PRR11: variants seen among roughly 807,000 people sequenced by gnomAD.
PRR11 encodes the protein proline rich 11, also known as proline-rich protein 11.
In PRR11, 30 loss-of-function variants were observed where a neutral mutation model predicts 45.6. The observed-to-expected ratio is 0.66, with a 90% confidence interval of 0.49 to 0.89. PRR11 has a LOEUF of 0.89. Ranked by LOEUF, PRR11 falls within the 40% of genes least tolerant of loss-of-function variation. The pLI is 0.00. For missense variants in PRR11, 373 were observed against 424.8 expected, an observed-to-expected ratio of 0.88 and a Z score of 1.07; for synonymous variants, 128 against 153.5, an observed-to-expected ratio of 0.83 and a Z score of 1.23.
intron 2 of PRR11, among the ~76,000 whole-genome samples, chr17:59,170,978 G>A (rs1446313289): frequency 5.3e-5 from 8 of 152,206 alleles, no homozygotes; most frequent in South Asian, 2.1e-4. Context: ...AGTAACACAC[G>A]GCCAGGCGCG....
At chr17:59,195,235 C>A (rs527877536) in intron 6 of PRR11, 96 bp from the exon 7 acceptor site, 88 of 921,202 alleles carry the variant, frequency 9.6e-5, no homozygotes, top group Admixed American at 3.5e-4. Context: ...ATATCTTACA[C>A]AAACTCAGCA....
chr17:59,205,737 T>C lies in PRR11; in HGVS notation c.*4106T>C, dbSNP rs562285553. 2.0e-5 allele frequency among the ~76,000 whole-genome samples: 3 copies of C among 149,942 alleles called. No homozygotes were observed. In the East Asian group the frequency reaches 5.8e-4, roughly 29 times the overall value. Reference sequence around the variant, plus strand: ...AGTATATGTTAAGTATAGAAAAATATATAAATTAAAAAATTATAGGCTTGG... The same window carrying C: ...AGTATATGTTAAGTATAGAAAAATACATAAATTAAAAAATTATAGGCTTGG... On this transcript the variant is annotated 3_prime_UTR_variant, in exon 10 of 10. Coordinates refer to ENST00000262293, the MANE Select transcript of PRR11 (RefSeq NM_018304.4).
rs1011408917 is a variant in PRR11, at chr17:59,204,873, G to A, written c.*3242G>A. 2.0e-5 allele frequency among the ~76,000 whole-genome samples: 3 copies of A among 151,662 alleles called. No individual in the cohort carries two copies. Among genetic ancestry groups the A allele is most frequent in the Admixed American group, 6.6e-5 (1 of 15,212 alleles). ...GCAAGACCCCAACTCTACAAAAAAC[G>A]AAAAATTAGCCGGGAGCGGTGATGT... On this transcript the variant is annotated 3_prime_UTR_variant, in exon 10 of 10. Coordinates refer to ENST00000262293, the MANE Select transcript of PRR11 (RefSeq NM_018304.4).
chr17:59,193,343 A>C (rs2046848447), intron 4 of PRR11, 149 bp from the exon 5 acceptor site: 1 of 1,033,458 alleles, frequency 9.7e-7, no homozygotes, highest in Admixed American at 2.7e-5. Context: ...GAAATGAAGA[A>C]ACTTATGATT....
chr17:59,184,267 G>C (rs1184083588), intron 2 of PRR11, among the ~76,000 whole-genome samples: 1 of 152,122 alleles, frequency 6.6e-6, no homozygotes, highest in Non-Finnish European at 1.5e-5. Context: ...TGTGAGACCA[G>C]CCTGGCCAAC....
chr17:59,170,300 T>C (rs1449446786), intron 2 of PRR11, among the ~76,000 whole-genome samples: 1 of 152,110 alleles, frequency 6.6e-6, no homozygotes, highest in Non-Finnish European at 1.5e-5. Context: ...AGATAAACAA[T>C]GAATAATTTT....
chr17:59,194,960 G>A, intron 6 of PRR11, 105 bp downstream of exon 6: 2 of 857,722 alleles, frequency 2.3e-6, no homozygotes. Context: ...GATCACCTGA[G>A]CCCAGGAGTT....
rs905164066 is a variant in PRR11, at chr17:59,197,716, C to T, written c.941C>T (p.Thr314Ile). 2 of 1,613,892 alleles carry T rather than the reference C, an allele frequency of 1.2e-6. No homozygotes were observed. The highest frequency in any genetic ancestry group is 2.2e-5 in the East Asian group (1 of 44,898). ...VERSPGGTPL[T>I]NKENMETGTG... Reference sequence around the variant, plus strand: ...AGGAGCCCAGGTGGAACCCCTCTTACCAATAAGGAAAATATGGAAACAGGA... The same window carrying T: ...AGGAGCCCAGGTGGAACCCCTCTTATCAATAAGGAAAATATGGAAACAGGA... Residue 314 changes from threonine (T) to isoleucine (I), a missense_variant, in exon 9 of 10, where the codon ACC (threonine) becomes ATC (isoleucine). Thr to Ile is a moderately conservative substitution (Grantham distance 89). Transcript: ENST00000262293.
intron 1 of PRR11, among the ~76,000 whole-genome samples, chr17:59,163,393 T>C (rs1291515590): frequency 6.6e-6 from 1 of 152,246 alleles, no homozygotes. Context: ...CCAATGCTTA[T>C]ACTTTAAATA....
At chr17:59,181,424 T>G (rs1233638128) in intron 2 of PRR11, 1 of 929,018 alleles carries the variant, frequency 1.1e-6, no homozygotes, top group East Asian at 4.0e-5. Context: ...GGGGCATATT[T>G]TTCCCATTGG....
At chr17:59,187,790 G>A (rs1304661045) in intron 4 of PRR11, among the ~76,000 whole-genome samples, 3 of 151,276 alleles carry the variant, frequency 2.0e-5, no homozygotes, top group East Asian at 3.9e-4. Flanking sequence ...ACTTGAACCC[G>A]GGAGGCGGAG....
At chr17:59,164,239 A>C (rs2046668187) in intron 1 of PRR11, among the ~76,000 whole-genome samples, 3 of 152,120 alleles carry the variant, frequency 2.0e-5, no homozygotes, top group African/African-American at 7.2e-5. Flanking sequence ...TGAAATATTT[A>C]CTTTCTGGTT....
intron 2 of PRR11, among the ~76,000 whole-genome samples, chr17:59,173,961 C>G (rs1034852102): frequency 2.0e-5 from 3 of 152,198 alleles, no homozygotes; most frequent in African/African-American, 4.8e-5. Flanking sequence ...AGGCGGCTCT[C>G]TAGACAGGAA....
In PRR11 at chr17:59,204,732, G is replaced by A. The variant is rs6503904; in HGVS notation, c.*3101G>A. Reference sequence around the variant, plus strand: ...AAAAAAAAAAAAAGAAAGAAAGAAAGAAAAAATGCTTTATGGCCCAGTGCA... The same window carrying A: ...AAAAAAAAAAAAAGAAAGAAAGAAAAAAAAAATGCTTTATGGCCCAGTGCA... On this transcript the variant is annotated 3_prime_UTR_variant, in exon 10 of 10. Coordinates refer to ENST00000262293, the MANE Select transcript of PRR11 (RefSeq NM_018304.4). 0.44 allele frequency: 65,908 copies of A among 151,196 alleles called. 16,138 individuals carry two copies. Among genetic ancestry groups the A allele is most frequent in the African/African-American group, 0.68 (27,850 of 41,090 alleles). The allele number at this position is 151,196 out of a possible 1,614,324, so 9.4% of individuals were successfully genotyped here. A position where few individuals can be genotyped will look rare whatever the true frequency, so the allele number is the denominator to read the frequency against.
At chr17:59,174,128 A>G (rs1412315101) in intron 2 of PRR11, among the ~76,000 whole-genome samples, 1 of 152,200 alleles carries the variant, frequency 6.6e-6, no homozygotes, top group African/African-American at 2.4e-5. Flanking sequence ...CTCACTCAAT[A>G]TACCCAAGGT....
chr17:59,171,017 T>C (rs2046705262), intron 2 of PRR11, among the ~76,000 whole-genome samples: 1 of 151,878 alleles, frequency 6.6e-6, no homozygotes, highest in South Asian at 2.1e-4. Context: ...CCTAGCACTT[T>C]GGGAGGCCGA....
intron 1 of PRR11, among the ~76,000 whole-genome samples, chr17:59,164,857 C>T (rs1188644882): frequency 2.0e-5 from 3 of 149,370 alleles, no homozygotes; most frequent in African/African-American, 7.4e-5. Context: ...CCAGCCTGCA[C>T]GACAGAGCAA....
At position 59,206,579 on chromosome 17, in the gene PRR11, C is replaced by G. The variant is rs909729047; in HGVS notation, c.*4948C>G. Among the ~76,000 whole-genome samples the G allele has an allele frequency of 7.9e-5, 12 of 152,270 alleles. No individual in the cohort carries two copies. The highest frequency in any genetic ancestry group is 1.6e-4 in the Non-Finnish European group (11 of 68,032). ...CTGTAAGTGCTATGGCTTCCTTAAACTACGATTTATCATATGCTCCCAGTG... is the reference window on the plus strand; with the variant it reads ...CTGTAAGTGCTATGGCTTCCTTAAAGTACGATTTATCATATGCTCCCAGTG... On this transcript the variant is annotated 3_prime_UTR_variant, in exon 10 of 10. Transcript: ENST00000262293.
At chr17:59,173,940 A>C (rs879752118) in intron 2 of PRR11, among the ~76,000 whole-genome samples, 9 of 152,356 alleles carry the variant, frequency 5.9e-5, no homozygotes, top group Middle Eastern at 3.4e-3. Flanking sequence ...AGAGGATGTC[A>C]TACTTAAAGG....
Sources: gnomAD v4.1 joint callset for allele counts (sites outside exome capture counted in the v4.1 genomes callset) on GRCh38, gnomAD v4.1.1 for gene constraint, MANE v1.5 for transcripts, NCBI Gene and HGNC (gene_info 2026-07-23, HGNC 2026-07-21) for gene names.